Variants in RALYL observed in about 807,000 individuals in gnomAD.
RALYL encodes the protein RALY RNA binding protein like.
RALYL carries 29 observed loss-of-function variants against 35.1 expected under a neutral mutation model. The observed-to-expected ratio is 0.83, with a 90% CI of 0.61 to 1.13. The LOEUF is 1.13. Among genes scored for constraint, RALYL ranks in the 50% most tolerant of loss-of-function variants. The pLI is 0.00. For missense variants in RALYL, 359 were observed against 360.4 expected, an observed-to-expected ratio of 1.00 and a Z score of 0.03; for synonymous variants, 120 against 127.6, an observed-to-expected ratio of 0.94 and a Z score of 0.40.
chr8:84,860,253 G>A (rs1047707721), intron 5 of RALYL, among the ~76,000 whole-genome samples: 1 of 152,140 alleles, frequency 6.6e-6, no homozygotes, highest in African/African-American at 2.4e-5. Context: ...GTGTTTTAGA[G>A]ATTTTCTTAA....
intron 3 of RALYL, among the ~76,000 whole-genome samples, chr8:84,799,783 C>T (rs1293326291): frequency 2.0e-5 from 3 of 152,044 alleles, no homozygotes; most frequent in Non-Finnish European, 4.4e-5. Context: ...GGTGAAACCC[C>T]GTCTCTACTA....
intron 2 of RALYL, among the ~76,000 whole-genome samples, chr8:84,624,355 T>C (rs1822252833): frequency 6.6e-6 from 1 of 152,212 alleles, no homozygotes; most frequent in Admixed American, 6.5e-5. Flanking sequence ...AAAGTTTCAG[T>C]AAGTTTTGTG....
At chr8:84,327,679 A>G (rs1846061489) in intron 1 of RALYL, among the ~76,000 whole-genome samples, 1 of 150,764 alleles carries the variant, frequency 6.6e-6, no homozygotes, top group Non-Finnish European at 1.5e-5. Flanking sequence ...GGCCCTTCAC[A>G]GAAAAAAAAA....
intron 1 of RALYL, among the ~76,000 whole-genome samples, chr8:84,475,040 C>G (rs1436966124): frequency 6.6e-6 from 1 of 151,898 alleles, no homozygotes; most frequent in African/African-American, 2.4e-5. Flanking sequence ...AGGTATTTCT[C>G]CTAATGCTAT....
intron 8 of RALYL, among the ~76,000 whole-genome samples, chr8:84,899,168 C>T (rs1407251359): frequency 6.6e-6 from 1 of 152,166 alleles, no homozygotes; most frequent in African/African-American, 2.4e-5. Flanking sequence ...GCAAAAACAT[C>T]TCCTCTCTTA....
At chr8:84,193,566 G>A (rs1814508398) in intron 1 of RALYL, among the ~76,000 whole-genome samples, 1 of 152,204 alleles carries the variant, frequency 6.6e-6, no homozygotes, top group South Asian at 2.1e-4. Flanking sequence ...TGACTGCAAA[G>A]AGTTTGCCAT....
intron 2 of RALYL, among the ~76,000 whole-genome samples, chr8:84,571,058 TGAG>T (rs1807852200): frequency 1.3e-5 from 2 of 151,718 alleles, no homozygotes; most frequent in Admixed American, 1.3e-4. Context: ...AGTATTTTGT[TGAG>T]GAGTTTTGCT....
At chr8:84,184,862 T>G in intron 1 of RALYL, 1 of 1,026,238 alleles carries the variant, frequency 9.7e-7, no homozygotes, top group Non-Finnish European at 1.5e-6. Flanking sequence ...ACCCGGGAGA[T>G]GGGGGTAGAA....
intron 1 of RALYL, among the ~76,000 whole-genome samples, chr8:84,202,562 C>T (rs568764912): frequency 6.1e-4 from 92 of 151,856 alleles, no homozygotes; most frequent in Admixed American, 1.3e-3. Context: ...TTAGTAGAGA[C>T]GGGGTTTCAC....
chr8:84,709,268 C>T (rs1400233629), intron 2 of RALYL, among the ~76,000 whole-genome samples: 2 of 152,066 alleles, frequency 1.3e-5, no homozygotes, highest in South Asian at 2.1e-4. Flanking sequence ...TACTCAAAGA[C>T]ATTAATGGTT....
chr8:84,577,087 C>A (rs1443569895), intron 2 of RALYL, among the ~76,000 whole-genome samples: 1 of 152,210 alleles, frequency 6.6e-6, no homozygotes, highest in Non-Finnish European at 1.5e-5. Context: ...CAGCTTTTAT[C>A]TGACAGTTTT....
At chr8:84,288,390 G>A (rs745606855) in intron 1 of RALYL, among the ~76,000 whole-genome samples, 1 of 152,040 alleles carries the variant, frequency 6.6e-6, no homozygotes, top group Non-Finnish European at 1.5e-5. Flanking sequence ...CATCATTGCC[G>A]ATTTTCTCTT....
intron 2 of RALYL, among the ~76,000 whole-genome samples, chr8:84,529,970 C>T (rs1415175780): frequency 6.6e-6 from 1 of 152,080 alleles, no homozygotes; most frequent in African/African-American, 2.4e-5. Context: ...GCATTTTCCT[C>T]ATTTCCTATG....
chr8:84,838,976 G>T (rs1451856328), intron 4 of RALYL, among the ~76,000 whole-genome samples: 1 of 152,114 alleles, frequency 6.6e-6, no homozygotes, highest in Non-Finnish European at 1.5e-5. Context: ...AAAACAATTT[G>T]GGGGCGGCAG....
intron 2 of RALYL, among the ~76,000 whole-genome samples, chr8:84,629,055 G>A (rs1823370427): frequency 6.6e-6 from 1 of 151,964 alleles, no homozygotes; most frequent in Non-Finnish European, 1.5e-5. Context: ...CTTGACTCAG[G>A]ATTATAATAC....
intron 2 of RALYL, among the ~76,000 whole-genome samples, chr8:84,674,814 C>T (rs921559546): frequency 1.3e-5 from 2 of 151,980 alleles, no homozygotes. Context: ...CGCATGAAAT[C>T]CAAGATTACA....
intron 2 of RALYL, among the ~76,000 whole-genome samples, chr8:84,546,892 G>A (rs1426723045): frequency 1.3e-5 from 2 of 152,122 alleles, no homozygotes; most frequent in Admixed American, 1.3e-4. Context: ...GATAGATAGT[G>A]CTTTGTCTAT....
At chr8:84,611,672 G>A (rs73296142) in intron 2 of RALYL, among the ~76,000 whole-genome samples, 13,800 of 152,050 alleles carry the variant, frequency 0.091, 1,593 homozygotes, top group African/African-American at 0.27. Context: ...TGAATTCATA[G>A]CCTGTTTGAT....
At chr8:84,598,401 G>C (rs765053063) in intron 2 of RALYL, among the ~76,000 whole-genome samples, 3 of 152,008 alleles carry the variant, frequency 2.0e-5, no homozygotes, top group African/African-American at 7.2e-5. Flanking sequence ...TCTCCTCCAG[G>C]GAAACTCTGT....
Sources: allele counts gnomAD v4.1 joint callset (sites outside exome capture counted in the v4.1 genomes callset), GRCh38; gene constraint gnomAD v4.1.1; transcripts MANE v1.5; gene names NCBI Gene and HGNC (gene_info 2026-07-23, HGNC 2026-07-21).